The following MAGI2 variants were observed in gnomAD, a reference collection of about 807,000 sequenced individuals.
The protein encoded by MAGI2 is membrane associated guanylate kinase, WW and PDZ domain containing 2, also known as membrane-associated guanylate kinase, WW and PDZ domain-containing protein 2.
Under a neutral mutation model 133.3 loss-of-function variants are expected in MAGI2, and 35 were observed. The ratio of observed to expected loss-of-function variants is 0.26; its 90% CI spans 0.20 to 0.35. The LOEUF is 0.35. Ranked by LOEUF, MAGI2 falls within the 10% of genes least tolerant of loss-of-function variation. The pLI, the probability that MAGI2 is intolerant of heterozygous loss-of-function variation, is 1.00. For missense variants in MAGI2, 1,636 were observed against 1,863.4 expected, an observed-to-expected ratio of 0.88 and a Z score of 2.25; for synonymous variants, 729 against 710.6, an observed-to-expected ratio of 1.03 and a Z score of -0.41.
At chr7:78,682,285 ACATAGGTATACGTGTGC>A (rs558100497) in intron 2 of MAGI2, among the ~76,000 whole-genome samples, 403 of 152,254 alleles carry the variant, frequency 2.6e-3, no homozygotes, top group Non-Finnish European at 5.0e-3. Context: ...CAGATTTGTT[ACATAGGTATACGTGTGC>A]CATGGTGGTT....
chr7:78,082,242 T>C (rs556711917), intron 20 of MAGI2, among the ~76,000 whole-genome samples: 4 of 152,334 alleles, frequency 2.6e-5, no homozygotes, highest in African/African-American at 9.6e-5. Flanking sequence ...TGTGTGTTTA[T>C]TTTCCCTTTT....
intron 2 of MAGI2, among the ~76,000 whole-genome samples, chr7:78,844,691 G>A (rs963267188): frequency 1.3e-5 from 2 of 151,758 alleles, no homozygotes; most frequent in Non-Finnish European, 2.9e-5. Flanking sequence ...TTCTTTGTGG[G>A]GAACAGGGGG....
intron 2 of MAGI2, among the ~76,000 whole-genome samples, chr7:78,909,530 G>A (rs1798243386): frequency 1.3e-5 from 2 of 149,770 alleles, no homozygotes; most frequent in Admixed American, 1.3e-4. Context: ...GTGAACCCAG[G>A]AGGCGGAGCT....
At chr7:78,082,183 C>G (rs1241704081) in intron 20 of MAGI2, among the ~76,000 whole-genome samples, 1 of 152,146 alleles carries the variant, frequency 6.6e-6, no homozygotes, top group Non-Finnish European at 1.5e-5. Context: ...GACTCTGGTC[C>G]CATACTTGAG....
chr7:78,058,003 A>ATATGTGTGTG, intron 21 of MAGI2, among the ~76,000 whole-genome samples: 2 of 117,056 alleles, frequency 1.7e-5, no homozygotes, highest in Admixed American at 8.0e-5. Context: ...ATATATATAT[A>ATATGTGTGTG]TGTATGAGAA....
At chr7:78,886,717 C>G (rs1449848022) in intron 2 of MAGI2, among the ~76,000 whole-genome samples, 1 of 152,166 alleles carries the variant, frequency 6.6e-6, no homozygotes, top group African/African-American at 2.4e-5. Flanking sequence ...TTCTTTGTCA[C>G]TTATTTCTTC....
chr7:78,234,007 A>G lies in MAGI2; in HGVS notation c.2047+21936T>C, dbSNP rs374213052. 2.5e-4 allele frequency among the ~76,000 whole-genome samples: 38 copies of G among 152,254 alleles called. No individual in the cohort carries two copies. The South Asian group carries it at 6.4e-3, about 26-fold the overall frequency. ...TATTTTAGTGGTCATGAATGTTTTC[A>G]TTTTATGTTCTTTATATAAGTGTGC... On this transcript the variant is annotated intron_variant, in intron 10 of 21. Coordinates refer to ENST00000354212, the MANE Select transcript of MAGI2 (RefSeq NM_012301.4).
At chr7:79,071,671 A>G (rs546691240) in intron 1 of MAGI2, among the ~76,000 whole-genome samples, 1 of 151,322 alleles carries the variant, frequency 6.6e-6, no homozygotes, top group South Asian at 2.1e-4. Flanking sequence ...GAGAGGAGGA[A>G]ATCTAGAGAG....
At chr7:78,318,431 A>G (rs1787652317) in intron 9 of MAGI2, among the ~76,000 whole-genome samples, 1 of 152,186 alleles carries the variant, frequency 6.6e-6, no homozygotes. Flanking sequence ...AGAAAAAAGA[A>G]CGAAAAGGAA....
At chr7:78,454,056 C>G (rs1309702584) in intron 6 of MAGI2, among the ~76,000 whole-genome samples, 3 of 152,116 alleles carry the variant, frequency 2.0e-5, no homozygotes, top group African/African-American at 7.2e-5. Context: ...ATAAATACAA[C>G]CTCCACATCC....
At chr7:78,397,909 T>C (rs1796508161) in intron 6 of MAGI2, among the ~76,000 whole-genome samples, 1 of 152,174 alleles carries the variant, frequency 6.6e-6, no homozygotes, top group South Asian at 2.1e-4. Context: ...ATTTCTAATT[T>C]ATAGAGTACT....
intron 16 of MAGI2, among the ~76,000 whole-genome samples, chr7:78,135,635 T>C (rs1157386520): frequency 6.6e-6 from 1 of 152,216 alleles, no homozygotes; most frequent in African/African-American, 2.4e-5. Context: ...GCTCATATTC[T>C]AGGGACAATA....
intron 1 of MAGI2, among the ~76,000 whole-genome samples, chr7:79,167,535 C>T (rs1825069175): frequency 6.6e-6 from 1 of 151,648 alleles, no homozygotes; most frequent in Admixed American, 6.6e-5. Flanking sequence ...CAAGTGTTGC[C>T]TAAACATACT....
intron 1 of MAGI2, among the ~76,000 whole-genome samples, chr7:79,121,242 T>C (rs993633594): frequency 1.3e-5 from 2 of 152,096 alleles, no homozygotes; most frequent in Non-Finnish European, 2.9e-5. Flanking sequence ...ATCCCTAACA[T>C]GGAGAAAAGC....
intron 1 of MAGI2, among the ~76,000 whole-genome samples, chr7:79,438,700 C>T (rs1848306560): frequency 6.6e-6 from 1 of 152,026 alleles, no homozygotes; most frequent in South Asian, 2.1e-4. Context: ...TAAGTTCTTA[C>T]TCACACCATT....
intron 1 of MAGI2, among the ~76,000 whole-genome samples, chr7:79,197,581 G>C (rs1828197289): frequency 6.6e-6 from 1 of 151,926 alleles, no homozygotes; most frequent in Non-Finnish European, 1.5e-5. Flanking sequence ...CCTCACTTAA[G>C]GTAAACTCTG....
chr7:78,047,310 G>T (rs1182083386), intron 21 of MAGI2, among the ~76,000 whole-genome samples: 1 of 152,202 alleles, frequency 6.6e-6, no homozygotes, highest in South Asian at 2.1e-4. Flanking sequence ...GGGGAAGTCT[G>T]GCATGGAACT....
rs527616064 is a variant in MAGI2, at chr7:78,878,259, GT to G, written c.418+128830del. On this transcript the variant is annotated intron_variant, in intron 2 of 21. Coordinates refer to ENST00000354212, the MANE Select transcript of MAGI2 (RefSeq NM_012301.4). ...GCCCTCTCATACTTAGAAAAAACCT[GT>G]GCTTGGTTTCATACTCTTCTATTGC... is the stretch of plus-strand genomic sequence containing the variant. Among the ~76,000 whole-genome samples the G allele has an allele frequency of 9.2e-5, 14 of 152,288 alleles. No individual in the cohort carries two copies. In the East Asian group the frequency reaches 2.1e-3, roughly 23 times the overall value.
chr7:78,756,553 C>T (rs771924904), intron 2 of MAGI2, among the ~76,000 whole-genome samples: 1 of 152,094 alleles, frequency 6.6e-6, no homozygotes, highest in East Asian at 1.9e-4. Flanking sequence ...ACGCATTTGG[C>T]AGCTATGTTT....
Sources: allele counts gnomAD v4.1 joint callset (sites outside exome capture counted in the v4.1 genomes callset), GRCh38; gene constraint gnomAD v4.1.1; transcripts MANE v1.5; gene names NCBI Gene and HGNC (gene_info 2026-07-23, HGNC 2026-07-21).